Variants in GMDS observed in about 807,000 individuals in gnomAD.
GMDS encodes GDP-mannose 4,6 dehydratase.
Under a neutral mutation model 49.9 loss-of-function variants are expected in GMDS, and 20 were observed. The observed-to-expected ratio is 0.40, with a 90% confidence interval of 0.28 to 0.58. GMDS has a LOEUF of 0.58. GMDS is among the 20% of genes least tolerant of loss of function. GMDS has a pLI of 0.42. For missense variants in GMDS, 362 were observed against 481.4 expected, an observed-to-expected ratio of 0.75 and a Z score of 2.32; for synonymous variants, 177 against 178.6, an observed-to-expected ratio of 0.99 and a Z score of 0.07.
At chr6:1,704,727 T>G (rs59412934) in intron 9 of GMDS, among the ~76,000 whole-genome samples, 1,882 of 152,224 alleles carry the variant, frequency 0.012, 44 homozygotes, top group African/African-American at 0.043. Flanking sequence ...TTTTCATGTG[T>G]GAGAAGAGAA....
chr6:1,925,846 AC>A (rs1761975568), intron 7 of GMDS, among the ~76,000 whole-genome samples: 1 of 151,950 alleles, frequency 6.6e-6, no homozygotes, highest in Admixed American at 6.6e-5. Flanking sequence ...TCCCAAGACC[AC>A]CCTGGCCCAC....
At chr6:1,754,720 C>T (rs889244075) in intron 7 of GMDS, among the ~76,000 whole-genome samples, 4 of 152,112 alleles carry the variant, frequency 2.6e-5, no homozygotes, top group Admixed American at 6.6e-5. Flanking sequence ...AAGGCTGGTT[C>T]AACATACACA....
At chr6:1,898,314 T>C (rs1467889431) in intron 7 of GMDS, among the ~76,000 whole-genome samples, 1 of 152,238 alleles carries the variant, frequency 6.6e-6, no homozygotes, top group Non-Finnish European at 1.5e-5. Context: ...AATAAAATTA[T>C]TTGGCAATTT....
At chr6:2,198,626 G>C (rs1364095081) in intron 1 of GMDS, among the ~76,000 whole-genome samples, 1 of 151,274 alleles carries the variant, frequency 6.6e-6, no homozygotes, top group Non-Finnish European at 1.5e-5. Flanking sequence ...AAATGAATAA[G>C]AAAAATTTCA....
At chr6:1,763,530 T>C (rs925287911) in intron 7 of GMDS, among the ~76,000 whole-genome samples, 2 of 152,216 alleles carry the variant, frequency 1.3e-5, no homozygotes, top group Admixed American at 1.3e-4. Flanking sequence ...TTAAAAACCA[T>C]GGTCAGTGTG....
chr6:1,855,098 T>C (rs1184050849), intron 7 of GMDS, among the ~76,000 whole-genome samples: 1 of 152,240 alleles, frequency 6.6e-6, no homozygotes, highest in Non-Finnish European at 1.5e-5. Flanking sequence ...CTATGACAAA[T>C]AGAGAGAGCT....
At chr6:1,910,708 C>G (rs1382873350) in intron 7 of GMDS, among the ~76,000 whole-genome samples, 1 of 152,134 alleles carries the variant, frequency 6.6e-6, no homozygotes, top group Non-Finnish European at 1.5e-5. Flanking sequence ...AGTCACCAAC[C>G]TCACCATGAA....
rs557762299 is a variant in GMDS, at chr6:1,767,201, A to AC, written c.772-24616dup. On this transcript the variant is annotated intron_variant, in intron 7 of 10. Coordinates refer to ENST00000380815, the MANE Select transcript of GMDS (RefSeq NM_001500.4). ...ACCGGAAACATATTTTCCACCCACC[A>AC]CCCCCCCAAATTTCATTAAACGCAT... is the stretch of plus-strand genomic sequence containing the variant. Among the ~76,000 whole-genome samples, 85 of 151,636 alleles carry AC rather than the reference A, an allele frequency of 5.6e-4. No homozygotes were observed. In the South Asian group the frequency reaches 0.015, roughly 27 times the overall value.
At chr6:2,127,991 A>C (rs1775547332) in intron 1 of GMDS, among the ~76,000 whole-genome samples, 1 of 152,182 alleles carries the variant, frequency 6.6e-6, no homozygotes, top group Admixed American at 6.5e-5. Context: ...TTCTGGTATA[A>C]AGTCCTGCCT....
chr6:1,994,732 T>G (rs1766171327), intron 4 of GMDS, among the ~76,000 whole-genome samples: 1 of 152,048 alleles, frequency 6.6e-6, no homozygotes, highest in Non-Finnish European at 1.5e-5. Context: ...GAGGTGGCAT[T>G]AAGCTGAGTT....
At chr6:1,819,060 A>T (rs1770784054) in intron 7 of GMDS, among the ~76,000 whole-genome samples, 1 of 152,100 alleles carries the variant, frequency 6.6e-6, no homozygotes, top group South Asian at 2.1e-4. Flanking sequence ...ACACACTCTC[A>T]CACATACACT....
chr6:2,177,452 C>T lies in GMDS; in HGVS notation c.103-52721G>A, dbSNP rs533369451. Among the ~76,000 whole-genome samples the T allele has an allele frequency of 2.6e-5, 4 of 152,298 alleles. No individual in the cohort carries two copies. In the South Asian group the frequency reaches 6.2e-4, roughly 24 times the overall value. On this transcript the variant is annotated intron_variant, in intron 1 of 10. Transcript: ENST00000380815. ...CAGACATAAAATCCTCAACAAAATA[C>T]TGGCAAACTGAATCTAGCAGCACAT...
intron 1 of GMDS, among the ~76,000 whole-genome samples, chr6:2,161,853 A>T (rs554409345): frequency 6.6e-6 from 1 of 152,358 alleles, no homozygotes; most frequent in South Asian, 2.1e-4. Context: ...TAAAAAGTCA[A>T]AATAAAAGGA....
intron 1 of GMDS, among the ~76,000 whole-genome samples, chr6:2,203,380 G>T (rs945232876): frequency 6.6e-6 from 1 of 152,180 alleles, no homozygotes; most frequent in Non-Finnish European, 1.5e-5. Flanking sequence ...GCTGCCAGCT[G>T]TTATTTAAAC....
chr6:2,077,417 T>G (rs184767396), intron 4 of GMDS, among the ~76,000 whole-genome samples: 1 of 152,188 alleles, frequency 6.6e-6, no homozygotes. Flanking sequence ...AGCTGTGAGT[T>G]TGCCATATAT....
chr6:1,984,528 C>T (rs1765427093), intron 4 of GMDS, among the ~76,000 whole-genome samples: 1 of 152,074 alleles, frequency 6.6e-6, no homozygotes, highest in Non-Finnish European at 1.5e-5. Flanking sequence ...GGCCAGTACA[C>T]TACAGCTGCT....
intron 6 of GMDS, among the ~76,000 whole-genome samples, chr6:1,944,523 A>T (rs1359758547): frequency 6.6e-6 from 1 of 151,544 alleles, no homozygotes; most frequent in East Asian, 1.9e-4. Flanking sequence ...TATATATATT[A>T]GCCAGGCGTG....
At chr6:2,231,534 A>G (rs1267081755) in intron 1 of GMDS, among the ~76,000 whole-genome samples, 1 of 152,168 alleles carries the variant, frequency 6.6e-6, no homozygotes, top group Admixed American at 6.5e-5. Flanking sequence ...ACTGCTTTTC[A>G]GCCTGGGCAA....
At chr6:2,142,544 G>A (rs1028767727) in intron 1 of GMDS, among the ~76,000 whole-genome samples, 3 of 152,112 alleles carry the variant, frequency 2.0e-5, no homozygotes, top group East Asian at 1.9e-4. Context: ...AACCACCAGC[G>A]GCAAGGTAAG....
Sources: allele counts gnomAD v4.1 joint callset (sites outside exome capture counted in the v4.1 genomes callset), GRCh38; gene constraint gnomAD v4.1.1; transcripts MANE v1.5; gene names NCBI Gene and HGNC (gene_info 2026-07-23, HGNC 2026-07-21).